Variants in SLIT3 observed in about 807,000 individuals in gnomAD.
The protein encoded by SLIT3 is slit guidance ligand 3.
In SLIT3, 68 loss-of-function variants were observed where a neutral mutation model predicts 184.0. The ratio of observed to expected loss-of-function variants is 0.37; its 90% confidence interval spans 0.30 to 0.45. The LOEUF (loss-of-function observed/expected upper bound fraction) is 0.45. SLIT3 is among the 20% of genes least tolerant of loss of function. SLIT3 has a pLI of 1.00. For missense variants in SLIT3, 1,707 were observed against 2,026.0 expected, an observed-to-expected ratio of 0.84 and a Z score of 3.02; for synonymous variants, 831 against 828.6, an observed-to-expected ratio of 1.00 and a Z score of -0.05.
rs945534891 is a variant in SLIT3, at chr5:168,789,783, C to CT, written c.1008-153dup. 5 of 611,960 alleles carry CT rather than the reference C, an allele frequency of 8.2e-6. No homozygotes were observed. In the Admixed American group the frequency reaches 1.1e-4, roughly 14 times the overall value. The allele number at this position is 611,960 out of a possible 1,614,324, so 37.9% of individuals were successfully genotyped here. The stretch of plus-strand genomic sequence containing the variant: ...TTTACTCATAGTGCAAGAGAAGGAG[C>CT]TTAAAGAGCCTTCAGTTCAACTACC... On this transcript the variant is annotated intron_variant, in intron 10 of 35. Transcript: ENST00000519560.
chr5:169,029,973 G>T (rs1170301775), intron 4 of SLIT3, among the ~76,000 whole-genome samples: 1 of 152,172 alleles, frequency 6.6e-6, no homozygotes, highest in East Asian at 1.9e-4. Flanking sequence ...CCTGAATGCT[G>T]TCCTCTGCCT....
chr5:168,722,871 A>G (rs182621699), intron 22 of SLIT3, 62 bp downstream of exon 22: 2 of 1,283,112 alleles, frequency 1.6e-6, no homozygotes, highest in East Asian at 2.3e-5. Context: ...GAGGGAGGGA[A>G]AGAGTAACCA....
At chr5:169,078,710 C>T (rs1252178172) in intron 4 of SLIT3, among the ~76,000 whole-genome samples, 1 of 152,174 alleles carries the variant, frequency 6.6e-6, no homozygotes, top group Non-Finnish European at 1.5e-5. Flanking sequence ...CACACAATAT[C>T]TCAATACATA....
At chr5:168,993,563 C>CTTTTG (rs1156788518) in intron 4 of SLIT3, among the ~76,000 whole-genome samples, 4 of 152,172 alleles carry the variant, frequency 2.6e-5, no homozygotes, top group Non-Finnish European at 5.9e-5. Flanking sequence ...TCTGAAGGCC[C>CTTTTG]TTTTGTCTTA....
At chr5:168,920,597 C>T (rs933755348) in intron 4 of SLIT3, among the ~76,000 whole-genome samples, 17 of 152,150 alleles carry the variant, frequency 1.1e-4, no homozygotes, top group Non-Finnish European at 5.9e-5. Flanking sequence ...TCTTTCCAGC[C>T]GGTGTGAAGC....
At chr5:169,172,627 C>T (rs181591721) in intron 4 of SLIT3, among the ~76,000 whole-genome samples, 1 of 152,282 alleles carries the variant, frequency 6.6e-6, no homozygotes, top group Admixed American at 6.5e-5. Context: ...CACATCTAGA[C>T]ATTTGGGAAG....
intron 1 of SLIT3, among the ~76,000 whole-genome samples, chr5:169,289,226 T>C (rs1409006892): frequency 2.6e-5 from 4 of 152,138 alleles, no homozygotes; most frequent in African/African-American, 9.7e-5. Flanking sequence ...CAAATTGTAC[T>C]CCCCCTTGGC....
intron 4 of SLIT3, among the ~76,000 whole-genome samples, chr5:168,993,502 C>A (rs115027574): frequency 0.035 from 5,348 of 152,308 alleles, 116 homozygotes; most frequent in Middle Eastern, 0.051. Context: ...GACAAAATCC[C>A]CCATGGGGGT....
At chr5:169,068,002 C>A (rs938343314) in intron 4 of SLIT3, among the ~76,000 whole-genome samples, 1 of 152,156 alleles carries the variant, frequency 6.6e-6, no homozygotes, top group African/African-American at 2.4e-5. Context: ...TTGGGAAAGT[C>A]AAAGAGGATC....
intron 1 of SLIT3, among the ~76,000 whole-genome samples, chr5:169,276,113 C>G (rs116676822): frequency 1.3e-3 from 195 of 152,198 alleles, no homozygotes; most frequent in African/African-American, 4.2e-3. Flanking sequence ...CAATTGAACG[C>G]TACACGAAAT....
intron 4 of SLIT3, among the ~76,000 whole-genome samples, chr5:168,897,525 C>T (rs946409938): frequency 9.9e-5 from 15 of 151,762 alleles, no homozygotes; most frequent in Non-Finnish European, 1.5e-4. Context: ...AAATAAAAGT[C>T]GGAGACTGAA....
chr5:168,752,675 G>A (rs1478413391), intron 18 of SLIT3: 11 of 413,648 alleles, frequency 2.7e-5, no homozygotes, highest in East Asian at 1.4e-4. Flanking sequence ...GATTACAGGC[G>A]TGAGCCACCA....
rs1044234461 is a variant in SLIT3, at chr5:169,192,423, C to CTCTGTGTGTGTGTGTG, written c.413+1055_413+1056insCACACACACACACAGA. On this transcript the variant is annotated intron_variant, in intron 4 of 35. Coordinates refer to ENST00000519560, the MANE Select transcript of SLIT3 (RefSeq NM_003062.4). ...TAAAATAAATTTATGTATATAGTCT[C>CTCTGTGTGTGTGTGTG]TGTGTGTGTGTGTGTGTGTGTGTGT... Among the ~76,000 whole-genome samples the CTCTGTGTGTGTGTGTG allele has an allele frequency of 2.0e-4, 29 of 148,274 alleles. No homozygotes were observed. In the East Asian group the frequency reaches 4.0e-3, roughly 20 times the overall value.
intron 1 of SLIT3, among the ~76,000 whole-genome samples, chr5:169,279,913 C>T (rs898433126): frequency 1.3e-5 from 2 of 152,228 alleles, no homozygotes; most frequent in African/African-American, 2.4e-5. Context: ...AAAACTGTGC[C>T]TGGCACATGT....
intron 4 of SLIT3, among the ~76,000 whole-genome samples, chr5:169,182,081 G>A (rs2113444536): frequency 6.6e-6 from 1 of 152,278 alleles, no homozygotes; most frequent in Middle Eastern, 3.4e-3. Flanking sequence ...CAACCGTGGG[G>A]AGAGTTTTTG....
At chr5:169,106,411 G>A (rs1760208471) in intron 4 of SLIT3, among the ~76,000 whole-genome samples, 1 of 151,852 alleles carries the variant, frequency 6.6e-6, no homozygotes, top group Non-Finnish European at 1.5e-5. Flanking sequence ...AGAGATGAGG[G>A]AACTCAATGG....
rs1227032565 is a variant in SLIT3, at chr5:168,778,961, AAG to A, written c.1152-4585_1152-4584del. 8.5e-5 allele frequency among the ~76,000 whole-genome samples: 13 copies of A among 152,290 alleles called. No homozygotes were observed. The South Asian group carries it at 2.1e-3, about 24-fold the overall frequency. ...CCACCTGCTCCAGATCTATCTCTCA[AAG>A]GACCCTCGGAGATCATATAAATGAA... On this transcript the variant is annotated intron_variant, in intron 12 of 35. Coordinates refer to ENST00000519560, the MANE Select transcript of SLIT3 (RefSeq NM_003062.4).
chr5:169,239,278 A>C (rs1765311108), intron 3 of SLIT3, among the ~76,000 whole-genome samples: 1 of 152,166 alleles, frequency 6.6e-6, no homozygotes, highest in South Asian at 2.1e-4. Flanking sequence ...AATATTCATG[A>C]ATCACATTGG....
At chr5:169,098,276 C>A (rs779227204) in intron 4 of SLIT3, among the ~76,000 whole-genome samples, 1 of 152,138 alleles carries the variant, frequency 6.6e-6, no homozygotes, top group Admixed American at 6.5e-5. Flanking sequence ...TCCCTTTTAA[C>A]GAGGACACCC....
Sources: gnomAD v4.1 joint callset for allele counts (sites outside exome capture counted in the v4.1 genomes callset) on GRCh38, gnomAD v4.1.1 for gene constraint, MANE v1.5 for transcripts, NCBI Gene and HGNC (gene_info 2026-07-23, HGNC 2026-07-21) for gene names.